Variants in XYLT1 observed in about 807,000 individuals in gnomAD.
XYLT1 encodes beta-D-xylosyltransferase 1.
In XYLT1, 36 loss-of-function variants were observed where a neutral mutation model predicts 91.3. The observed-to-expected ratio is 0.39, with a 90% confidence interval of 0.30 to 0.52. The LOEUF (loss-of-function observed/expected upper bound fraction) is 0.52, where lower values mean the gene tolerates loss of function less well. Among genes scored for constraint, XYLT1 ranks in the 20% least tolerant of loss-of-function variants. The pLI, the probability that XYLT1 is intolerant of heterozygous loss-of-function variation, is 0.68. For synonymous variants in XYLT1, 588 were observed against 532.0 expected (o/e 1.11, Z -1.45); for missense variants, 1,242 against 1,284.5 (o/e 0.97, Z 0.51).
chr16:17,109,856 A>C (rs1966829723), intron 11 of XYLT1, among the ~76,000 whole-genome samples: 1 of 152,160 alleles, frequency 6.6e-6, no homozygotes, highest in Non-Finnish European at 1.5e-5. Flanking sequence ...TCCACCTTGT[A>C]CTCTGCGTAA....
chr16:17,426,674 C>T (rs1047315932), intron 1 of XYLT1, among the ~76,000 whole-genome samples: 4 of 152,210 alleles, frequency 2.6e-5, no homozygotes, highest in African/African-American at 9.6e-5. Context: ...CACATAGACA[C>T]GCCCACTAAG....
chr16:17,126,171 C>T (rs1340743181), intron 10 of XYLT1, among the ~76,000 whole-genome samples: 1 of 152,192 alleles, frequency 6.6e-6, no homozygotes, highest in African/African-American at 2.4e-5. Flanking sequence ...TGATGGTTCT[C>T]ACTCCAAGGG....
chr16:17,385,990 T>A (rs190387915), intron 1 of XYLT1, among the ~76,000 whole-genome samples: 49 of 152,322 alleles, frequency 3.2e-4, no homozygotes, highest in Admixed American at 1.0e-3. Flanking sequence ...CATGTAAAGT[T>A]AATTTACGGC....
intron 5 of XYLT1, among the ~76,000 whole-genome samples, chr16:17,166,011 A>G (rs1200159881): frequency 6.6e-6 from 1 of 152,190 alleles, no homozygotes; most frequent in Non-Finnish European, 1.5e-5. Context: ...GAAGAAGGAA[A>G]TTGCAAAGGT....
Position 17,138,523 on chromosome 16 carries a change from G to A in XYLT1, c.1596C>T (p.Phe532=). 6.2e-7 allele frequency: 1 copy of A among 1,612,974 alleles called. No homozygotes were observed. Among genetic ancestry groups the A allele is most frequent in the Non-Finnish European group, 8.5e-7 (1 of 1,179,880 alleles). Residue 532 remains phenylalanine (F), a synonymous_variant, in exon 8 of 12, where the codon TTC becomes TTT. Transcript: ENST00000261381. ...SYTLLPAESF[F]HTVLENSPHC... is the part of the protein sequence containing the mutation. ...GGGGGCTGTTCTCCAGGACCGTATGGAAGAAGGACTGCAGGGGAGAGAGGG... is the reference window on the plus strand; with the variant it reads ...GGGGGCTGTTCTCCAGGACCGTATGAAAGAAGGACTGCAGGGGAGAGAGGG...
intron 5 of XYLT1, among the ~76,000 whole-genome samples, chr16:17,165,230 A>G (rs2031648299): frequency 6.6e-6 from 1 of 152,158 alleles, no homozygotes; most frequent in African/African-American, 2.4e-5. Context: ...CCTCATGACA[A>G]CCCTAAGAGG....
chr16:17,324,420 G>A (rs1458386133), intron 2 of XYLT1, among the ~76,000 whole-genome samples: 3 of 152,200 alleles, frequency 2.0e-5, no homozygotes, highest in African/African-American at 7.2e-5. Context: ...TTCCACAGCA[G>A]TGCTTCTCAA....
At position 17,470,444 on chromosome 16, in the gene XYLT1, G is replaced by A. The variant is rs1229787594; in HGVS notation, c.353C>T (p.Ala118Val). 13 of 1,231,132 alleles carry A rather than the reference G, an allele frequency of 1.1e-5. No homozygotes were observed. Among genetic ancestry groups the A allele is most frequent in the Admixed American group, 4.2e-5 (1 of 23,626 alleles). The allele number at this position is 1,231,132 out of a possible 1,614,324, so 76.3% of individuals were successfully genotyped here. A position where few individuals can be genotyped will look rare whatever the true frequency, so the allele number is the denominator to read the frequency against. The change falls in exon 1 of 12, where the codon GCC becomes GTC. Residue 118 changes from alanine (A) to valine (V), a missense_variant. Transcript: ENST00000261381. ...QQPASRGALP[A>V]RALDPHPSPL... ...GAAAGGGCATCTTACCAGAGCCCGG[G>A]CGGGCAGTGCCCCCCGGCTGGCCGG... is the stretch of plus-strand genomic sequence containing the variant.
intron 1 of XYLT1, among the ~76,000 whole-genome samples, chr16:17,465,547 G>GT (rs368241689): frequency 6.1e-5 from 4 of 65,642 alleles, no homozygotes; most frequent in South Asian, 5.7e-4. Flanking sequence ...AATTTTTTGT[G>GT]TTTTTTTTTG....
At chr16:17,240,695 G>T (rs2033332392) in intron 3 of XYLT1, among the ~76,000 whole-genome samples, 1 of 152,186 alleles carries the variant, frequency 6.6e-6, no homozygotes, top group Admixed American at 6.5e-5. Flanking sequence ...AGGAAATAAT[G>T]CTTTCTTTAA....
At chr16:17,383,988 T>C (rs2035716325) in intron 1 of XYLT1, among the ~76,000 whole-genome samples, 1 of 151,878 alleles carries the variant, frequency 6.6e-6, no homozygotes, top group South Asian at 2.1e-4. Flanking sequence ...CCTCAGGTGA[T>C]CTGCCTGCCT....
At chr16:17,442,585 G>A (rs1024960893) in intron 1 of XYLT1, among the ~76,000 whole-genome samples, 2 of 152,102 alleles carry the variant, frequency 1.3e-5, no homozygotes, top group African/African-American at 4.8e-5. Context: ...AGGCTGCCTG[G>A]AGCATTTTTA....
At chr16:17,148,983 C>A (rs901437168) in intron 6 of XYLT1, among the ~76,000 whole-genome samples, 10 of 152,240 alleles carry the variant, frequency 6.6e-5, no homozygotes, top group African/African-American at 2.4e-4. Context: ...GGGCAGCTCA[C>A]CTTCCTGATA....
Position 17,311,362 on chromosome 16 carries a change from C to T in XYLT1, c.402+46650G>A, listed in dbSNP as rs118013017. Among the ~76,000 whole-genome samples the T allele has an allele frequency of 5.8e-3, 876 of 152,294 alleles. 4 individuals are homozygous for T. Among genetic ancestry groups the T allele is most frequent in the Non-Finnish European group, 9.3e-3 (632 of 68,026 alleles). ...GTGGGCTGCTCATGGGCTTCAGTAG[C>T]CTGCTCATCAGAATCATCTGGAAGA... On this transcript the variant is annotated intron_variant, in intron 2 of 11. Coordinates refer to ENST00000261381, the MANE Select transcript of XYLT1 (RefSeq NM_022166.4).
At chr16:17,208,573 A>G (rs1334105483) in intron 3 of XYLT1, among the ~76,000 whole-genome samples, 1 of 152,186 alleles carries the variant, frequency 6.6e-6, no homozygotes, top group Non-Finnish European at 1.5e-5. Flanking sequence ...ATTTTAAATA[A>G]TTGTGTGCAT....
chr16:17,428,522 A>G (rs946381389), intron 1 of XYLT1, among the ~76,000 whole-genome samples: 2 of 152,196 alleles, frequency 1.3e-5, no homozygotes, highest in African/African-American at 4.8e-5. Context: ...TGCTCAATAA[A>G]TGGTCACAGC....
rs538707535 is a variant in XYLT1 at position 17,452,189 on chromosome 16, A to G, written c.363+18245T>C. On this transcript the variant is annotated intron_variant, in intron 1 of 11. Transcript: ENST00000261381. The stretch of plus-strand genomic sequence containing the variant: ...AATTAGCACTTTGTATGGTTGGGTC[A>G]TTAAAGGATCTCATGAATTAATACT... Among the ~76,000 whole-genome samples the G allele has an allele frequency of 8.5e-5, 13 of 152,322 alleles. No homozygotes were observed. The South Asian group carries it at 2.3e-3, about 27-fold the overall frequency.
chr16:17,188,505 C>G (rs1325691099), intron 5 of XYLT1, among the ~76,000 whole-genome samples: 1 of 152,164 alleles, frequency 6.6e-6, no homozygotes, highest in Non-Finnish European at 1.5e-5. Flanking sequence ...TGCTTGGAAC[C>G]TCCTCACACT....
intron 2 of XYLT1, among the ~76,000 whole-genome samples, chr16:17,271,881 C>T (rs2033900240): frequency 6.6e-6 from 1 of 152,178 alleles, no homozygotes; most frequent in Admixed American, 6.5e-5. Flanking sequence ...ACCCTGGCAT[C>T]CAGCCAGAGC....
Sources: allele counts gnomAD v4.1 joint callset (sites outside exome capture counted in the v4.1 genomes callset), GRCh38; gene constraint gnomAD v4.1.1; transcripts MANE v1.5; gene names NCBI Gene and HGNC (gene_info 2026-07-23, HGNC 2026-07-21).